The following MRPS27 variants were observed in gnomAD, a reference collection of about 807,000 sequenced individuals.
The protein encoded by MRPS27 is mitochondrial ribosomal protein S27, also known as small ribosomal subunit protein mS27.
A neutral mutation model predicts 48.9 loss-of-function variants in MRPS27; 43 were observed. That is an observed-to-expected ratio of 0.88 (90% CI 0.69 to 1.13). The LOEUF is 1.13. Among genes scored for constraint, MRPS27 ranks in the 50% most tolerant of loss-of-function variants. The pLI, the probability that MRPS27 is intolerant of heterozygous loss-of-function variation, is 0.00. For missense variants in MRPS27, 467 were observed against 476.3 expected, an observed-to-expected ratio of 0.98 and a Z score of 0.18; for synonymous variants, 188 against 171.9, an observed-to-expected ratio of 1.09 and a Z score of -0.73.
At chr5:72,317,464 C>T (rs1205845618) in intron 1 of MRPS27, among the ~76,000 whole-genome samples, 5 of 150,048 alleles carry the variant, frequency 3.3e-5, no homozygotes, top group South Asian at 2.1e-4. Flanking sequence ...AACCGGAAGG[C>T]GGAGGCCTTC....
chr5:72,289,602 T>C (rs1408508842), intron 4 of MRPS27, among the ~76,000 whole-genome samples: 4 of 152,042 alleles, frequency 2.6e-5, no homozygotes, highest in Non-Finnish European at 5.9e-5. Flanking sequence ...TTTGTATCTT[T>C]TTATAGAGAT....
intron 4 of MRPS27, chr5:72,241,611 A>G (rs1396394423): frequency 6.6e-7 from 1 of 1,522,546 alleles, no homozygotes; most frequent in Non-Finnish European, 8.8e-7. Flanking sequence ...CAGTAGTAAT[A>G]TGTCAGGTGA....
At chr5:72,255,902 G>A (rs1342938060) in intron 4 of MRPS27, among the ~76,000 whole-genome samples, 1 of 152,130 alleles carries the variant, frequency 6.6e-6, no homozygotes, top group Non-Finnish European at 1.5e-5. Context: ...GCTTCTTCAC[G>A]ACCCAAGCAA....
At chr5:72,307,225 G>A (rs1376540289) in intron 2 of MRPS27, among the ~76,000 whole-genome samples, 17 of 152,260 alleles carry the variant, frequency 1.1e-4, no homozygotes, top group African/African-American at 4.1e-4. Context: ...GGTGGCGGGC[G>A]CCTGTAATCC....
intron 4 of MRPS27, among the ~76,000 whole-genome samples, chr5:72,260,182 A>C (rs1454046700): frequency 6.6e-6 from 1 of 152,192 alleles, no homozygotes; most frequent in Non-Finnish European, 1.5e-5. Context: ...CATATGGATA[A>C]ATATGCTTTA....
chr5:72,236,863 A>T (rs765558986), intron 5 of MRPS27, among the ~76,000 whole-genome samples: 5 of 151,360 alleles, frequency 3.3e-5, no homozygotes, highest in African/African-American at 4.9e-5. Context: ...ATTTCCTTCC[A>T]ATCAGATTCC....
intron 2 of MRPS27, among the ~76,000 whole-genome samples, chr5:72,309,860 T>C (rs975541811): frequency 2.0e-5 from 3 of 152,224 alleles, no homozygotes; most frequent in African/African-American, 7.2e-5. Context: ...CAGTATAGTA[T>C]TGGCCCTACA....
intron 4 of MRPS27, among the ~76,000 whole-genome samples, chr5:72,253,089 C>G (rs1240973200): frequency 6.6e-6 from 1 of 152,224 alleles, no homozygotes; most frequent in Non-Finnish European, 1.5e-5. Context: ...TGCTGCTTCT[C>G]ATTTACGAGG....
chr5:72,227,417 T>C (rs775743478), intron 8 of MRPS27: 11 of 152,192 alleles, frequency 7.2e-5, no homozygotes, highest in Non-Finnish European at 1.3e-4. Context: ...AGTTATTATA[T>C]CAGAATCAGC....
At chr5:72,286,116 T>C (rs1749664852) in intron 4 of MRPS27, among the ~76,000 whole-genome samples, 1 of 152,244 alleles carries the variant, frequency 6.6e-6, no homozygotes, top group African/African-American at 2.4e-5. Flanking sequence ...ATATATACTA[T>C]ACATTCAATA....
At chr5:72,306,722 G>GT (rs899834620) in intron 2 of MRPS27, among the ~76,000 whole-genome samples, 1 of 152,134 alleles carries the variant, frequency 6.6e-6, no homozygotes, top group Non-Finnish European at 1.5e-5. Flanking sequence ...AGAAGTACTA[G>GT]TTTTTTAGAA....
chr5:72,235,181 G>T (rs987405642), intron 5 of MRPS27, among the ~76,000 whole-genome samples: 1 of 152,114 alleles, frequency 6.6e-6, no homozygotes, highest in South Asian at 2.1e-4. Flanking sequence ...CTCATGGCCA[G>T]TGTCTATATT....
rs57589095 is a variant in MRPS27, at chr5:72,242,665, T to TACACACACACACACACACACACAC, written c.282-4561_282-4538dup. Among the ~76,000 whole-genome samples, 355 of 134,270 alleles carry TACACACACACACACACACACACAC rather than the reference T, an allele frequency of 2.6e-3. 3 individuals carry two copies. Among genetic ancestry groups the TACACACACACACACACACACACAC allele is most frequent in the African/African-American group, 9.7e-3 (326 of 33,620 alleles). 88.1% of individuals were successfully genotyped at this position (134,270 alleles called of 152,430 possible). A position where few individuals can be genotyped will look rare whatever the true frequency, so the allele number is the denominator to read the frequency against. On this transcript the variant is annotated intron_variant, in intron 4 of 10. Coordinates refer to ENST00000261413, the MANE Select transcript of MRPS27 (RefSeq NM_015084.3). Reference sequence around the variant, plus strand: ...CTAGGCAACACAGCGAGACCCCGTCTACACACACACACACACACACACACA... The same window carrying TACACACACACACACACACACACAC: ...CTAGGCAACACAGCGAGACCCCGTCTACACACACACACACACACACACACACACACACACACACACACACACACA...
In MRPS27 at chr5:72,226,065, T is replaced by C. The variant is rs1228496598; in HGVS notation, c.829A>G (p.Arg277Gly). 5 of 1,613,428 alleles carry C rather than the reference T, an allele frequency of 3.1e-6. No homozygotes were observed. Among genetic ancestry groups the C allele is most frequent in the Middle Eastern group, 1.7e-4 (1 of 6,056 alleles). The stretch of plus-strand genomic sequence containing the variant: ...AGAGCTGAAGAACATACCGCTTCTC[T>C]ACACAGCTTTATGTCTTCTGGGGAG... ...AASPEDIKLC[R>G]EALDVLGAVL... is the part of the protein sequence containing the mutation. Residue 277 changes from arginine to glycine, a missense_variant, in exon 9 of 11, where the codon AGA becomes GGA. Arg to Gly is a moderately radical substitution (Grantham distance 125). Transcript: ENST00000261413.
intron 4 of MRPS27, among the ~76,000 whole-genome samples, chr5:72,282,021 T>C (rs1045079539): frequency 6.6e-6 from 1 of 152,170 alleles, no homozygotes; most frequent in Non-Finnish European, 1.5e-5. Flanking sequence ...GGTGATACTA[T>C]TTGTCTTAAA....
chr5:72,309,054 C>T (rs1750364278), intron 2 of MRPS27, among the ~76,000 whole-genome samples: 1 of 151,990 alleles, frequency 6.6e-6, no homozygotes, highest in African/African-American at 2.4e-5. Context: ...ACATCATACA[C>T]AAGGAAGGCA....
chr5:72,293,561 T>C (rs1055267087), intron 4 of MRPS27, among the ~76,000 whole-genome samples: 2 of 152,172 alleles, frequency 1.3e-5, no homozygotes, highest in Non-Finnish European at 2.9e-5. Context: ...GAATTAATCA[T>C]AGAAGGTCTT....
intron 1 of MRPS27, among the ~76,000 whole-genome samples, chr5:72,316,792 G>A (rs912713138): frequency 2.0e-4 from 30 of 151,862 alleles, no homozygotes; most frequent in African/African-American, 7.0e-4. Flanking sequence ...CACTTTGGGA[G>A]GCCGAGGTGG....
chr5:72,229,794 C>G (rs1314914455), intron 7 of MRPS27, among the ~76,000 whole-genome samples: 1 of 152,184 alleles, frequency 6.6e-6, no homozygotes, highest in Non-Finnish European at 1.5e-5. Context: ...TGATCATTGT[C>G]TGGGGCTGCT....
Sources: allele counts gnomAD v4.1 joint callset (sites outside exome capture counted in the v4.1 genomes callset), GRCh38; gene constraint gnomAD v4.1.1; transcripts MANE v1.5; gene names NCBI Gene and HGNC (gene_info 2026-07-23, HGNC 2026-07-21).